WWOX: variants seen among roughly 807,000 people sequenced by gnomAD.
WWOX encodes WW domain containing oxidoreductase, also known as WW domain-containing oxidoreductase.
WWOX carries 69 observed loss-of-function variants against 46.2 expected under a neutral mutation model. That is an observed-to-expected ratio of 1.49 (90% CI 1.23 to 1.82). The LOEUF (loss-of-function observed/expected upper bound fraction) is 1.82, where lower values mean the gene tolerates loss of function less well. Among genes scored for constraint, WWOX ranks in the 40% most tolerant of loss-of-function variants. The pLI is 0.00. For synonymous variants in WWOX, 359 were observed against 202.6 expected, an observed-to-expected ratio of 1.77 and a Z score of -6.56; for missense variants, 919 against 542.6, an observed-to-expected ratio of 1.69 and a Z score of -6.89.
At chr16:78,515,422 G>C (rs774420893) in intron 8 of WWOX, among the ~76,000 whole-genome samples, 4 of 152,128 alleles carry the variant, frequency 2.6e-5, no homozygotes, top group Non-Finnish European at 4.4e-5. Context: ...GCATATCTGT[G>C]TTTGAGAGGC....
intron 8 of WWOX, among the ~76,000 whole-genome samples, chr16:78,658,334 G>A (rs1267209780): frequency 6.6e-6 from 1 of 152,128 alleles, no homozygotes; most frequent in Non-Finnish European, 1.5e-5. Flanking sequence ...CTTTACTAAT[G>A]GTCATTATGT....
At chr16:78,484,595 A>G (rs1024986661) in intron 8 of WWOX, among the ~76,000 whole-genome samples, 1 of 152,236 alleles carries the variant, frequency 6.6e-6, no homozygotes. Context: ...TTACGTTACA[A>G]TTTAATAATT....
At chr16:78,627,863 G>A (rs115016408) in intron 8 of WWOX, among the ~76,000 whole-genome samples, 47 of 152,332 alleles carry the variant, frequency 3.1e-4, no homozygotes, top group African/African-American at 1.1e-3. Context: ...AACATCAAAT[G>A]TCTGGATCAA....
chr16:78,372,530 A>G lies in WWOX; in HGVS notation c.517-14330A>G, dbSNP rs548618492. Among the ~76,000 whole-genome samples the G allele has an allele frequency of 4.6e-5, 7 of 152,310 alleles. No homozygotes were observed. The South Asian group carries it at 1.5e-3, about 32-fold the overall frequency. On this transcript the variant is annotated intron_variant, in intron 5 of 8. Transcript: ENST00000566780. ...TGTAGTAAGAGAGCATTCTTTATCC[A>G]GGTCTGAAATCTGCTCTCTGGAGGG...
intron 8 of WWOX, among the ~76,000 whole-genome samples, chr16:78,545,668 G>C (rs998451063): frequency 6.6e-6 from 1 of 152,158 alleles, no homozygotes; most frequent in Non-Finnish European, 1.5e-5. Context: ...CATTTGCTAT[G>C]GCTAACATGA....
At chr16:78,781,403 C>A (rs539598908) in intron 8 of WWOX, among the ~76,000 whole-genome samples, 1 of 152,228 alleles carries the variant, frequency 6.6e-6, no homozygotes, top group South Asian at 2.1e-4. Flanking sequence ...TCTTACTACC[C>A]CCTCCCACCT....
intron 8 of WWOX, among the ~76,000 whole-genome samples, chr16:78,720,611 G>A (rs535982063): frequency 2.5e-4 from 38 of 151,990 alleles, no homozygotes; most frequent in African/African-American, 8.7e-4. Flanking sequence ...TTTGTCCTAG[G>A]AAACCTGCCA....
At chr16:78,972,561 C>T (rs747553907) in intron 8 of WWOX, among the ~76,000 whole-genome samples, 4 of 151,898 alleles carry the variant, frequency 2.6e-5, no homozygotes, top group South Asian at 2.1e-4. Flanking sequence ...GCAAATTTAC[C>T]GTCATCAGCA....
chr16:79,035,077 A>G (rs2047839525), intron 8 of WWOX, among the ~76,000 whole-genome samples: 1 of 152,246 alleles, frequency 6.6e-6, no homozygotes, highest in African/African-American at 2.4e-5. Flanking sequence ...ATATCCAGTA[A>G]AGTGAAACAA....
At chr16:79,161,525 A>AT (rs1478982926) in intron 8 of WWOX, among the ~76,000 whole-genome samples, 6 of 152,052 alleles carry the variant, frequency 3.9e-5, no homozygotes, top group Non-Finnish European at 5.9e-5. Context: ...TTCACTTTTT[A>AT]TTTTTTATTG....
chr16:78,616,885 G>C (rs1421477170), intron 8 of WWOX, among the ~76,000 whole-genome samples: 1 of 152,150 alleles, frequency 6.6e-6, no homozygotes, highest in Non-Finnish European at 1.5e-5. Flanking sequence ...CTGGAGGTTA[G>C]AATTTCAACA....
intron 8 of WWOX, among the ~76,000 whole-genome samples, chr16:78,784,474 T>C (rs1284378905): frequency 2.0e-5 from 3 of 152,046 alleles, no homozygotes; most frequent in Non-Finnish European, 4.4e-5. Context: ...ATTAATATAC[T>C]AGATAAGAGT....
chr16:78,598,824 T>C (rs906800354), intron 8 of WWOX, among the ~76,000 whole-genome samples: 1 of 152,158 alleles, frequency 6.6e-6, no homozygotes, highest in Non-Finnish European at 1.5e-5. Flanking sequence ...TCTGGCCTCT[T>C]CATTGTCCCC....
At chr16:78,108,177 A>G (rs1214414166) in intron 1 of WWOX, among the ~76,000 whole-genome samples, 1 of 150,718 alleles carries the variant, frequency 6.6e-6, no homozygotes, top group Admixed American at 6.6e-5. Context: ...CTGCTCCCCT[A>G]GGGCTCCCAA....
chr16:79,137,853 G>T (rs1301561616), intron 8 of WWOX, among the ~76,000 whole-genome samples: 1 of 152,054 alleles, frequency 6.6e-6, no homozygotes, highest in Non-Finnish European at 1.5e-5. Context: ...GGGGAGGCTG[G>T]GTCTGTGCCT....
chr16:78,104,137 T>A (rs1597199567), intron 1 of WWOX, among the ~76,000 whole-genome samples: 1 of 152,094 alleles, frequency 6.6e-6, no homozygotes, highest in Non-Finnish European at 1.5e-5. Flanking sequence ...TCAGGCCTTT[T>A]GGCAGTCAGA....
At chr16:78,674,825 T>TTCC (rs1225642001) in intron 8 of WWOX, among the ~76,000 whole-genome samples, 2 of 104,908 alleles carry the variant, frequency 1.9e-5, no homozygotes, top group African/African-American at 6.3e-5. Context: ...ATTTTTCATT[T>TTCC]TTCATTTTTT....
chr16:79,006,071 G>T (rs981042598), intron 8 of WWOX, among the ~76,000 whole-genome samples: 14 of 152,160 alleles, frequency 9.2e-5, no homozygotes, highest in Non-Finnish European at 2.1e-4. Flanking sequence ...TATCAACAAG[G>T]CATGGTCACT....
chr16:78,827,422 C>A (rs1333895642), intron 8 of WWOX, among the ~76,000 whole-genome samples: 2 of 152,006 alleles, frequency 1.3e-5, no homozygotes, highest in East Asian at 3.9e-4. Context: ...GCTCCAGGGT[C>A]AGGTGTGTAG....
Sources: gnomAD v4.1 joint callset for allele counts (sites outside exome capture counted in the v4.1 genomes callset) on GRCh38, gnomAD v4.1.1 for gene constraint, MANE v1.5 for transcripts, NCBI Gene and HGNC (gene_info 2026-07-23, HGNC 2026-07-21) for gene names.